RALGAPA1: variants seen among roughly 807,000 people sequenced by gnomAD.
RALGAPA1 encodes ral GTPase-activating protein subunit alpha-1.
In RALGAPA1, 52 loss-of-function variants were observed where a neutral mutation model predicts 269.6. That is an observed-to-expected ratio of 0.19 (90% CI 0.15 to 0.24). The LOEUF is 0.24. Among genes scored for constraint, RALGAPA1 ranks in the 10% least tolerant of loss-of-function variants. The pLI is 1.00. For synonymous variants in RALGAPA1, 817 were observed against 1,008.3 expected, an observed-to-expected ratio of 0.81 and a Z score of 3.60; for missense variants, 1,917 against 3,013.9, an observed-to-expected ratio of 0.64 and a Z score of 8.52.
rs1219581205 is a variant in RALGAPA1 at position 35,705,257 on chromosome 14, C to T, written c.2267-4955G>A. ...AGAAAGTATAGTGACACATATATAC[C>T]ATTACAAGTATCATACAGAATAGTT... is the stretch of plus-strand genomic sequence containing the variant. On this transcript the variant is annotated intron_variant, in intron 16 of 41. Coordinates refer to ENST00000680220, the MANE Select transcript of RALGAPA1 (RefSeq NM_001346249.2). 2.0e-5 allele frequency among the ~76,000 whole-genome samples: 3 copies of T among 152,046 alleles called. No individual in the cohort carries two copies. In the East Asian group the frequency reaches 5.8e-4, roughly 29 times the overall value.
At chr14:35,737,573 A>G (rs370012389) in intron 12 of RALGAPA1, among the ~76,000 whole-genome samples, 31 of 151,636 alleles carry the variant, frequency 2.0e-4, no homozygotes, top group Middle Eastern at 3.4e-3. Flanking sequence ...CTTGGCCAAC[A>G]TGACGAAACC....
intron 12 of RALGAPA1, among the ~76,000 whole-genome samples, chr14:35,731,895 A>T (rs1407114174): frequency 6.6e-6 from 1 of 152,198 alleles, no homozygotes; most frequent in Non-Finnish European, 1.5e-5. Context: ...ACACCTGGGA[A>T]ATTCACTGCA....
intron 31 of RALGAPA1, among the ~76,000 whole-genome samples, chr14:35,643,727 T>C (rs1003314970): frequency 6.6e-6 from 1 of 150,494 alleles, no homozygotes; most frequent in African/African-American, 2.5e-5. Context: ...ATCTTGTCAT[T>C]TGCAACAAGA....
At chr14:35,767,334 T>A (rs2074237741) in intron 4 of RALGAPA1, among the ~76,000 whole-genome samples, 1 of 152,142 alleles carries the variant, frequency 6.6e-6, no homozygotes, top group South Asian at 2.1e-4. Context: ...TAGTTTTAAA[T>A]ACCTATATCA....
chr14:35,746,048 G>A (rs1331506710), intron 10 of RALGAPA1, among the ~76,000 whole-genome samples: 1 of 152,174 alleles, frequency 6.6e-6, no homozygotes, highest in Non-Finnish European at 1.5e-5. Flanking sequence ...ACTCCAGCCT[G>A]GGAAATGGAG....
At chr14:35,623,996 A>G (rs912718724) in intron 35 of RALGAPA1, among the ~76,000 whole-genome samples, 4 of 151,854 alleles carry the variant, frequency 2.6e-5, no homozygotes, top group African/African-American at 9.7e-5. Flanking sequence ...CTGAGACAGG[A>G]GACTGGCGTG....
At position 35,689,252 on chromosome 14, in the gene RALGAPA1, G is replaced by T; in HGVS notation, c.3159C>A (p.Ser1053Arg). 1 of 1,232,210 alleles carries T rather than the reference G, an allele frequency of 8.1e-7. No individual in the cohort carries two copies. The highest frequency in any genetic ancestry group is 1.6e-5 in the African/African-American group (1 of 64,468). The allele number at this position is 1,232,210 out of a possible 1,614,324, so 76.3% of individuals were successfully genotyped here. A position where few individuals can be genotyped will look rare whatever the true frequency, so the allele number is the denominator to read the frequency against. ...DKQPSEPSLD[S>R]PCDKEKRKHL... ...GTTTCCTTTTTTCTTTATCACAAGG[G>T]CTATCTAAACTAGGCTCTGATGGCT... Residue 1053 changes from serine to arginine, a missense_variant, in exon 18 of 42, where the codon AGC becomes AGA. Physicochemically the swap from Ser to Arg is moderately radical, Grantham distance 110. Transcript: ENST00000680220.
At chr14:35,650,013 A>C (rs1489791101) in intron 31 of RALGAPA1, among the ~76,000 whole-genome samples, 1 of 152,210 alleles carries the variant, frequency 6.6e-6, no homozygotes, top group African/African-American at 2.4e-5. Flanking sequence ...TTATCCAGAA[A>C]TTATTCATAA....
intron 4 of RALGAPA1, chr14:35,765,741 C>T (rs537243556): frequency 1.8e-4 from 64 of 356,386 alleles, no homozygotes; most frequent in African/African-American, 1.2e-3. Flanking sequence ...GGTGATCCAC[C>T]CACCTTGGCC....
chr14:35,766,017 G>A, intron 4 of RALGAPA1: 1 of 1,394,694 alleles, frequency 7.2e-7, no homozygotes, highest in Non-Finnish European at 1.0e-6. Context: ...CTTTGAGAAT[G>A]AAGATTCAGA....
chr14:35,625,477 A>C (rs752942621), intron 34 of RALGAPA1, 45 bp from the exon 35 acceptor site: 32 of 1,378,142 alleles, frequency 2.3e-5, no homozygotes, highest in Non-Finnish European at 3.2e-5. Context: ...TTTGCAGTGA[A>C]TGACAAGACA....
At chr14:35,545,749 G>C (rs1001298052) in intron 41 of RALGAPA1, among the ~76,000 whole-genome samples, 2 of 151,842 alleles carry the variant, frequency 1.3e-5, no homozygotes, top group African/African-American at 4.8e-5. Context: ...CCTGTTTCTT[G>C]TTGTCATTCT....
chr14:35,710,333 C>T (rs541226426), intron 16 of RALGAPA1, among the ~76,000 whole-genome samples: 58 of 152,312 alleles, frequency 3.8e-4, no homozygotes, highest in African/African-American at 1.3e-3. Flanking sequence ...ACGATCTCAG[C>T]TCACTGCAAC....
At chr14:35,549,293 AT>A in intron 39 of RALGAPA1, 59 bp from the exon 40 acceptor site, 1 of 1,554,362 alleles carries the variant, frequency 6.4e-7, no homozygotes, top group Non-Finnish European at 8.7e-7. Flanking sequence ...AAAAAATCTT[AT>A]CAAAAAGGAC....
intron 16 of RALGAPA1, among the ~76,000 whole-genome samples, chr14:35,704,304 CTTAT>C (rs2067610990): frequency 6.6e-6 from 1 of 152,096 alleles, no homozygotes; most frequent in Admixed American, 6.5e-5. Flanking sequence ...TGCAATCTCT[CTTAT>C]TTGTTAGCAT....
intron 28 of RALGAPA1, among the ~76,000 whole-genome samples, chr14:35,657,084 C>G (rs1387842918): frequency 2.0e-5 from 3 of 152,160 alleles, no homozygotes; most frequent in East Asian, 3.9e-4. Flanking sequence ...TCCTACACCC[C>G]CCCTCCACAA....
At chr14:35,539,716 T>G (rs758339031) in intron 41 of RALGAPA1, 26 bp from the exon 42 acceptor site, 8 of 1,611,624 alleles carry the variant, frequency 5.0e-6, no homozygotes, top group Non-Finnish European at 5.9e-6. Context: ...AGAGCATTAC[T>G]ACAGTTATCC....
In RALGAPA1 at chr14:35,689,936, A is replaced by C. The variant is rs759051249; in HGVS notation, c.2475T>G (p.Thr825=). 66 of 1,602,882 alleles carry C rather than the reference A, an allele frequency of 4.1e-5. No individual in the cohort carries two copies. In the Admixed American group the frequency reaches 6.1e-4, roughly 15 times the overall value. The change falls in exon 18 of 42, where the codon ACT becomes ACG. Residue 825 remains threonine, a synonymous_variant. Coordinates refer to ENST00000680220, the MANE Select transcript of RALGAPA1 (RefSeq NM_001346249.2). Reference sequence around the variant, plus strand: ...TCAAAGCACCAAAAACTTCATTTCCAGTTTCTTCACTTTGTGAAAAATGTC... The same window carrying C: ...TCAAAGCACCAAAAACTTCATTTCCCGTTTCTTCACTTTGTGAAAAATGTC... The part of the protein sequence containing the change: ...RVRHFSQSEE[T]GNEVFGALNE...
At chr14:35,705,900 C>T (rs1187432911) in intron 16 of RALGAPA1, among the ~76,000 whole-genome samples, 4 of 152,132 alleles carry the variant, frequency 2.6e-5, no homozygotes, top group East Asian at 1.9e-4. Context: ...TAATGACATA[C>T]GATGTTGAGT....
Sources: allele counts gnomAD v4.1 joint callset (sites outside exome capture counted in the v4.1 genomes callset), GRCh38; gene constraint gnomAD v4.1.1; transcripts MANE v1.5; gene names NCBI Gene and HGNC (gene_info 2026-07-23, HGNC 2026-07-21).